The following FMN1 variants were observed in gnomAD, a reference collection of about 807,000 sequenced individuals.
The protein encoded by FMN1 is formin-1.
A neutral mutation model predicts 132.4 loss-of-function variants in FMN1; 110 were observed. The ratio of observed to expected loss-of-function variants is 0.83; its 90% confidence interval spans 0.71 to 0.97. The LOEUF is 0.97. FMN1 is among the 50% of genes least tolerant of loss of function. The pLI is 0.00. For synonymous variants in FMN1, 722 were observed against 651.7 expected, an observed-to-expected ratio of 1.11 and a Z score of -1.64; for missense variants, 1,792 against 1,705.3, an observed-to-expected ratio of 1.05 and a Z score of -0.90.
At chr15:33,111,504 A>T (rs2039703274) in intron 4 of FMN1, among the ~76,000 whole-genome samples, 1 of 152,198 alleles carries the variant, frequency 6.6e-6, no homozygotes, top group South Asian at 2.1e-4. Flanking sequence ...ATAAAAGCAC[A>T]TGTCCACACA....
At chr15:33,187,083 A>G (rs778275686) in intron 2 of FMN1, among the ~76,000 whole-genome samples, 12 of 152,228 alleles carry the variant, frequency 7.9e-5, no homozygotes, top group Admixed American at 1.3e-4. Flanking sequence ...AAAAGAAAGT[A>G]GATATGAACA....
intron 2 of FMN1, among the ~76,000 whole-genome samples, chr15:33,185,598 G>T (rs953999596): frequency 4.4e-4 from 41 of 93,832 alleles, no homozygotes; most frequent in Middle Eastern, 0.017. Context: ...TTTACACAGA[G>T]TTTCACTCTT....
intron 6 of FMN1, among the ~76,000 whole-genome samples, chr15:33,013,247 T>A (rs1007217039): frequency 1.3e-5 from 2 of 152,340 alleles, no homozygotes; most frequent in Admixed American, 1.3e-4. Flanking sequence ...TTAAGGACCA[T>A]ATTTGTGATT....
intron 6 of FMN1, among the ~76,000 whole-genome samples, chr15:33,047,567 CAT>C (rs1386134609): frequency 1.3e-5 from 2 of 152,206 alleles, no homozygotes; most frequent in African/African-American, 4.8e-5. Context: ...CTGTTTTCCT[CAT>C]AAAGCCTCAG....
intron 9 of FMN1, among the ~76,000 whole-genome samples, chr15:32,953,701 C>A (rs1024346350): frequency 4.6e-5 from 7 of 152,102 alleles, no homozygotes; most frequent in African/African-American, 1.7e-4. Context: ...TGCTAGGAGA[C>A]GGAGGAAAAA....
chr15:32,962,199 T>C (rs1326663669), intron 9 of FMN1, among the ~76,000 whole-genome samples: 1 of 152,192 alleles, frequency 6.6e-6, no homozygotes, highest in Non-Finnish European at 1.5e-5. Flanking sequence ...GAGCTTTTTA[T>C]ACAATGGAAA....
chr15:33,179,076 C>T (rs1004428205), intron 3 of FMN1, among the ~76,000 whole-genome samples: 5 of 152,078 alleles, frequency 3.3e-5, no homozygotes, highest in African/African-American at 1.2e-4. Context: ...CTTTACTTTC[C>T]AATAAACACA....
chr15:33,179,252 T>C (rs1317551195), intron 3 of FMN1, among the ~76,000 whole-genome samples: 1 of 151,982 alleles, frequency 6.6e-6, no homozygotes, highest in African/African-American at 2.4e-5. Context: ...TAAATGGCAG[T>C]AGGAAATGTG....
At chr15:33,086,661 A>C (rs1023389663) in intron 5 of FMN1, among the ~76,000 whole-genome samples, 2 of 152,208 alleles carry the variant, frequency 1.3e-5, no homozygotes. Flanking sequence ...TTTGCGGCAA[A>C]TGCAACTTAA....
intron 6 of FMN1, among the ~76,000 whole-genome samples, chr15:33,027,337 A>T (rs1305990300): frequency 6.6e-6 from 1 of 152,210 alleles, no homozygotes; most frequent in Non-Finnish European, 1.5e-5. Flanking sequence ...ATAATTTTTT[A>T]GTATAAGTGT....
intron 7 of FMN1, among the ~76,000 whole-genome samples, chr15:32,979,285 G>T (rs2032451609): frequency 6.6e-6 from 1 of 152,132 alleles, no homozygotes; most frequent in South Asian, 2.1e-4. Context: ...GCCCGGCATG[G>T]TGGTTCACAC....
chr15:33,043,987 G>A (rs1299712116), intron 6 of FMN1, among the ~76,000 whole-genome samples: 5 of 152,220 alleles, frequency 3.3e-5, no homozygotes, highest in Admixed American at 2.6e-4. Flanking sequence ...AGGCTCAAAG[G>A]TGCCTGCTCC....
Position 32,766,623 on chromosome 15 carries a change from T to G in FMN1, c.*7687A>C, listed in dbSNP as rs950797831. 1.4e-5 allele frequency: 2 copies of G among 146,354 alleles called. No individual in the cohort carries two copies. The highest frequency in any genetic ancestry group is 4.1e-4 in the East Asian group (2 of 4,822). 9.1% of individuals were successfully genotyped at this position (146,354 alleles called of 1,614,324 possible). On this transcript the variant is annotated 3_prime_UTR_variant, in exon 21 of 21. Coordinates refer to ENST00000616417, the MANE Select transcript of FMN1 (RefSeq NM_001277313.2). ...TGGATTTTCCTTTTTGCTTAAGTGATGAGGTGATGCTGACATTAACAAGAG... is the reference window on the plus strand; with the variant it reads ...TGGATTTTCCTTTTTGCTTAAGTGAGGAGGTGATGCTGACATTAACAAGAG...
chr15:32,846,308 G>A (rs2058855109), intron 17 of FMN1, among the ~76,000 whole-genome samples: 1 of 152,112 alleles, frequency 6.6e-6, no homozygotes, highest in Non-Finnish European at 1.5e-5. Context: ...TACAGAATGG[G>A]AGAAAATTTT....
intron 8 of FMN1, among the ~76,000 whole-genome samples, chr15:32,964,557 G>T (rs577306955): frequency 1.3e-5 from 2 of 152,128 alleles, no homozygotes; most frequent in African/African-American, 4.8e-5. Context: ...ATTCCTGGGG[G>T]CACCCAAGCT....
chr15:32,922,276 T>C (rs2060846856), intron 10 of FMN1, among the ~76,000 whole-genome samples: 2 of 152,216 alleles, frequency 1.3e-5, no homozygotes, highest in Admixed American at 1.3e-4. Flanking sequence ...TGCACTGGAA[T>C]AGAATACATG....
chr15:33,087,470 C>T (rs1385857034), intron 5 of FMN1, among the ~76,000 whole-genome samples: 1 of 152,090 alleles, frequency 6.6e-6, no homozygotes, highest in Admixed American at 6.6e-5. Flanking sequence ...CGCTTGAACC[C>T]GGGAGGCAGA....
chr15:33,096,000 C>CA (rs5811732), intron 4 of FMN1, among the ~76,000 whole-genome samples: 3,381 of 130,844 alleles, frequency 0.026, 110 homozygotes, highest in African/African-American at 0.081. Context: ...AGGTAAATAC[C>CA]AAAAAAAAAA....
chr15:33,084,589 G>C (rs1206068599), intron 5 of FMN1, among the ~76,000 whole-genome samples: 4 of 152,080 alleles, frequency 2.6e-5, no homozygotes, highest in Non-Finnish European at 4.4e-5. Context: ...ACGTACACTT[G>C]GGTCTCAGAA....
Sources: gnomAD v4.1 joint callset for allele counts (sites outside exome capture counted in the v4.1 genomes callset) on GRCh38, gnomAD v4.1.1 for gene constraint, MANE v1.5 for transcripts, NCBI Gene and HGNC (gene_info 2026-07-23, HGNC 2026-07-21) for gene names.